PDE1C: variants seen among roughly 807,000 people sequenced by gnomAD.
PDE1C encodes dual specificity calcium/calmodulin-dependent 3',5'-cyclic nucleotide phosphodiesterase 1C.
A neutral mutation model predicts 93.1 loss-of-function variants in PDE1C; 62 were observed. That is an observed-to-expected ratio of 0.67 (90% CI 0.54 to 0.82). The LOEUF (loss-of-function observed/expected upper bound fraction) is 0.82. Among genes scored for constraint, PDE1C ranks in the 40% least tolerant of loss-of-function variants. PDE1C has a pLI of 0.00. For missense variants in PDE1C, 742 were observed against 884.6 expected, an observed-to-expected ratio of 0.84 and a Z score of 2.04; for synonymous variants, 325 against 310.1, an observed-to-expected ratio of 1.05 and a Z score of -0.50.
intron 2 of PDE1C, among the ~76,000 whole-genome samples, chr7:31,930,279 C>T (rs1338393423): frequency 6.6e-6 from 1 of 152,040 alleles, no homozygotes; most frequent in African/African-American, 2.4e-5. Context: ...GACTACCAAC[C>T]AAAAAGAAGT....
At chr7:32,380,436 C>CAGGG (rs1218725548) in intron 1 of PDE1C, among the ~76,000 whole-genome samples, 5 of 139,044 alleles carry the variant, frequency 3.6e-5, no homozygotes, top group Admixed American at 8.0e-5. Flanking sequence ...TTAGTAGAGA[C>CAGGG]AGGGTTCCAC....
intron 1 of PDE1C, among the ~76,000 whole-genome samples, chr7:32,359,869 C>T (rs1784102635): frequency 6.6e-6 from 1 of 152,170 alleles, no homozygotes; most frequent in Non-Finnish European, 1.5e-5. Context: ...CAAATCTCAT[C>T]CATTCTTCAA....
intron 2 of PDE1C, among the ~76,000 whole-genome samples, chr7:31,996,778 T>A (rs915928880): frequency 1.3e-5 from 2 of 152,270 alleles, no homozygotes; most frequent in African/African-American, 4.8e-5. Flanking sequence ...AGTGATTTTA[T>A]AATTTATACC....
intron 3 of PDE1C, among the ~76,000 whole-genome samples, chr7:32,144,756 A>C (rs1338971844): frequency 6.6e-6 from 1 of 152,220 alleles, no homozygotes; most frequent in Non-Finnish European, 1.5e-5. Context: ...CCCTTTGCTG[A>C]CATGCAAGAG....
chr7:31,984,543 T>C (rs1455068120), intron 2 of PDE1C, among the ~76,000 whole-genome samples: 2 of 152,190 alleles, frequency 1.3e-5, no homozygotes, highest in Non-Finnish European at 2.9e-5. Flanking sequence ...GGTATCACTC[T>C]TTCATGCTTG....
At chr7:32,346,457 T>C (rs960277413) in intron 1 of PDE1C, among the ~76,000 whole-genome samples, 4 of 152,190 alleles carry the variant, frequency 2.6e-5, no homozygotes, top group African/African-American at 9.6e-5. Context: ...ATGGGAAAGG[T>C]AACCTTGCAG....
At chr7:32,150,191 G>A (rs757535461) in intron 3 of PDE1C, among the ~76,000 whole-genome samples, 2 of 152,206 alleles carry the variant, frequency 1.3e-5, no homozygotes, top group Non-Finnish European at 2.9e-5. Flanking sequence ...CTGGCTTCTG[G>A]CAGAGCCACT....
the PDE1C span, among the ~76,000 whole-genome samples, chr7:31,690,049 G>A: frequency 6.6e-6 from 1 of 152,272 alleles, no homozygotes; most frequent in Admixed American, 6.5e-5. Flanking sequence ...TTGTCCAGGG[G>A]CCTCTGACAT....
intron 1 of PDE1C, among the ~76,000 whole-genome samples, chr7:32,324,898 G>C (rs1035986845): frequency 6.6e-6 from 1 of 152,102 alleles, no homozygotes; most frequent in Admixed American, 6.5e-5. Flanking sequence ...GCAGTGAGCT[G>C]TGATCCTACC....
At chr7:32,326,331 G>A (rs1182056054) in intron 1 of PDE1C, among the ~76,000 whole-genome samples, 1 of 152,166 alleles carries the variant, frequency 6.6e-6, no homozygotes, top group Non-Finnish European at 1.5e-5. Context: ...CATATGGATG[G>A]TTTTTAAAGC....
chr7:31,728,432 C>A, the PDE1C span, among the ~76,000 whole-genome samples: 2 of 152,180 alleles, frequency 1.3e-5, no homozygotes, highest in Admixed American at 6.5e-5. Context: ...CCCGGCCAAC[C>A]AAATACCCAA....
At chr7:31,906,035 T>C (rs944072183) in intron 2 of PDE1C, among the ~76,000 whole-genome samples, 3 of 152,314 alleles carry the variant, frequency 2.0e-5, no homozygotes, top group Middle Eastern at 3.4e-3. Context: ...CCAGCCATGC[T>C]GAACTGTGAG....
the PDE1C span, among the ~76,000 whole-genome samples, chr7:31,710,712 G>A: frequency 1.3e-5 from 2 of 152,202 alleles, no homozygotes; most frequent in Non-Finnish European, 2.9e-5. Context: ...CTCGTAATTT[G>A]TAAGTGTGAA....
intron 16 of PDE1C, chr7:31,783,907 C>T (rs2128643011): frequency 6.6e-6 from 1 of 152,288 alleles, no homozygotes; most frequent in South Asian, 2.1e-4. Context: ...TACATTCTAT[C>T]ACAACCATGA....
At chr7:32,183,516 T>C (rs1236594925) in intron 2 of PDE1C, among the ~76,000 whole-genome samples, 2 of 152,208 alleles carry the variant, frequency 1.3e-5, no homozygotes, top group Non-Finnish European at 2.9e-5. Flanking sequence ...AACCATCTGA[T>C]CTTTGACAAA....
chr7:31,835,549 T>C (rs953759741), intron 11 of PDE1C, among the ~76,000 whole-genome samples: 15 of 148,576 alleles, frequency 1.0e-4, no homozygotes, highest in South Asian at 2.1e-4. Flanking sequence ...TGTGTGTGTG[T>C]GTGTGTGCGT....
intron 2 of PDE1C, among the ~76,000 whole-genome samples, chr7:32,205,392 T>C (rs773229056): frequency 3.3e-5 from 5 of 152,210 alleles, no homozygotes; most frequent in Admixed American, 6.5e-5. Context: ...CCTTTCTATC[T>C]AGCTAAAGGA....
intron 1 of PDE1C, among the ~76,000 whole-genome samples, chr7:32,306,700 G>C (rs779262579): frequency 6.6e-6 from 1 of 152,186 alleles, no homozygotes; most frequent in Non-Finnish European, 1.5e-5. Flanking sequence ...TTAGAATAAA[G>C]TAAAAACCCC....
At chr7:31,654,363 G>A in the PDE1C span, among the ~76,000 whole-genome samples, 1 of 152,016 alleles carries the variant, frequency 6.6e-6, no homozygotes, top group African/African-American at 2.4e-5. Flanking sequence ...GGAGGGGAAG[G>A]CTGAGAGGGG....
Sources: gnomAD v4.1 joint callset for allele counts (sites outside exome capture counted in the v4.1 genomes callset) on GRCh38, gnomAD v4.1.1 for gene constraint, MANE v1.5 for transcripts, NCBI Gene and HGNC (gene_info 2026-07-23, HGNC 2026-07-21) for gene names.